Variants in ZFR observed in about 807,000 individuals in gnomAD.
ZFR encodes the protein zinc finger RNA binding protein, also known as zinc finger RNA-binding protein.
A neutral mutation model predicts 130.7 loss-of-function variants in ZFR; 19 were observed. That is an observed-to-expected ratio of 0.15 (90% CI 0.10 to 0.21). The LOEUF (loss-of-function observed/expected upper bound fraction) is 0.21, where lower values mean the gene tolerates loss of function less well. Ranked by LOEUF, ZFR falls within the 10% of genes least tolerant of loss-of-function variation. The pLI, the probability that ZFR is intolerant of heterozygous loss-of-function variation, is 1.00. For missense variants in ZFR, 872 were observed against 1,321.5 expected (o/e 0.66, Z 5.27); for synonymous variants, 466 against 456.9 (o/e 1.02, Z -0.25).
rs187626931 is a variant in ZFR, at chr5:32,415,930, A to G, written c.566-743T>C. 3.3e-5 allele frequency among the ~76,000 whole-genome samples: 5 copies of G among 151,684 alleles called. No homozygotes were observed. The East Asian group carries it at 9.7e-4, about 29-fold the overall frequency. ...GGCCCAAAATCACGGGGCCAAGCTC[A>G]TTTTTTGTTCAGTTAAGTAAAAGTA... is the stretch of plus-strand genomic sequence containing the variant. On this transcript the variant is annotated intron_variant, in intron 4 of 19. Coordinates refer to ENST00000265069, the MANE Select transcript of ZFR (RefSeq NM_016107.5).
At chr5:32,356,732 A>G (rs942111898) in intron 19 of ZFR, among the ~76,000 whole-genome samples, 1 of 152,022 alleles carries the variant, frequency 6.6e-6, no homozygotes, top group Non-Finnish European at 1.5e-5. Flanking sequence ...AAGTATTTTT[A>G]TTACTGTATT....
At chr5:32,412,411 T>TAA (rs1323163231) in intron 5 of ZFR, among the ~76,000 whole-genome samples, 1 of 152,114 alleles carries the variant, frequency 6.6e-6, no homozygotes, top group Non-Finnish European at 1.5e-5. Flanking sequence ...AGAGACAAGA[T>TAA]AAAAATAAGG....
intron 19 of ZFR, among the ~76,000 whole-genome samples, chr5:32,356,347 T>A (rs895057632): frequency 1.3e-5 from 2 of 152,214 alleles, no homozygotes; most frequent in Non-Finnish European, 2.9e-5. Flanking sequence ...ATTATACTCA[T>A]GTGGATGTAC....
At chr5:32,411,642 T>C (rs1171723703) in intron 5 of ZFR, among the ~76,000 whole-genome samples, 2 of 127,266 alleles carry the variant, frequency 1.6e-5, no homozygotes, top group Non-Finnish European at 3.2e-5. Flanking sequence ...TGAGTCGAGA[T>C]TGCGCCACTG....
intron 5 of ZFR, among the ~76,000 whole-genome samples, chr5:32,412,700 C>T (rs575415686): frequency 2.6e-4 from 40 of 152,108 alleles, no homozygotes; most frequent in Non-Finnish European, 4.4e-4. Flanking sequence ...GAATTCAGGG[C>T]AAAGTACCAT....
chr5:32,373,711 T>C (rs1364089171), intron 17 of ZFR, among the ~76,000 whole-genome samples: 1 of 152,082 alleles, frequency 6.6e-6, no homozygotes, highest in East Asian at 1.9e-4. Context: ...AACCACTGCC[T>C]GAAGAATACA....
chr5:32,378,762 ATT>A (rs1468828522), intron 17 of ZFR, among the ~76,000 whole-genome samples: 1 of 151,958 alleles, frequency 6.6e-6, no homozygotes, highest in Non-Finnish European at 1.5e-5. Flanking sequence ...CACATACATT[ATT>A]TTAAAAAATG....
intron 2 of ZFR, among the ~76,000 whole-genome samples, chr5:32,428,233 G>A (rs1159058565): frequency 6.6e-6 from 1 of 152,148 alleles, no homozygotes; most frequent in Non-Finnish European, 1.5e-5. Flanking sequence ...GGCCAACATG[G>A]TGAAACCCTG....
At chr5:32,430,864 C>T (rs1305584580) in intron 2 of ZFR, among the ~76,000 whole-genome samples, 5 of 152,122 alleles carry the variant, frequency 3.3e-5, no homozygotes, top group Non-Finnish European at 5.9e-5. Flanking sequence ...TCTCTTGAGT[C>T]CAGGAGTTTG....
intron 2 of ZFR, 107 bp from the exon 3 acceptor site, chr5:32,420,210 A>C: frequency 7.7e-7 from 1 of 1,298,582 alleles, no homozygotes; most frequent in Non-Finnish European, 1.0e-6. Flanking sequence ...ATTTTCAAGT[A>C]ATTTAATGAC....
intron 6 of ZFR, 41 bp from the exon 7 acceptor site, chr5:32,404,138 T>G: frequency 6.6e-7 from 1 of 1,509,844 alleles, no homozygotes; most frequent in Non-Finnish European, 9.0e-7. Context: ...TCACTAATTT[T>G]CTTTACACAT....
chr5:32,393,911 G>C (rs1300413077), intron 11 of ZFR, among the ~76,000 whole-genome samples: 1 of 152,114 alleles, frequency 6.6e-6, no homozygotes, highest in Non-Finnish European at 1.5e-5. Context: ...GCCTCAAGGA[G>C]GGTCAAGATA....
intron 2 of ZFR, among the ~76,000 whole-genome samples, chr5:32,437,010 C>G (rs565098554): frequency 6.6e-6 from 1 of 152,284 alleles, no homozygotes; most frequent in East Asian, 1.9e-4. Flanking sequence ...GGTCACATGG[C>G]AGGTAATAGG....
chr5:32,431,763 A>G (rs988041110), intron 2 of ZFR, among the ~76,000 whole-genome samples: 14 of 131,936 alleles, frequency 1.1e-4, no homozygotes, highest in African/African-American at 3.7e-4. Context: ...ATTAGATATA[A>G]CATTGAAAAA....
chr5:32,373,498 C>T (rs1752724709), intron 17 of ZFR, among the ~76,000 whole-genome samples: 1 of 152,182 alleles, frequency 6.6e-6, no homozygotes. Flanking sequence ...CTCTTGTGTT[C>T]GTCTTTAAAC....
Position 32,390,178 on chromosome 5 carries a change from AT to A in ZFR, c.2142+96del. The stretch of plus-strand genomic sequence containing the variant: ...TCAAAAAAACTACCAAGATTACAAG[AT>A]TATTAAGTCTAAACATTAGCCCCTC... On this transcript the variant is annotated intron_variant, in intron 12 of 19. Transcript: ENST00000265069. The A allele has an allele frequency of 2.1e-6, 3 of 1,436,856 alleles. No homozygotes were observed. In the South Asian group the frequency reaches 4.2e-5, roughly 20 times the overall value. 89.0% of individuals were successfully genotyped at this position (1,436,856 alleles called of 1,614,324 possible). A position where few individuals can be genotyped will look rare whatever the true frequency, so the allele number is the denominator to read the frequency against.
intron 4 of ZFR, among the ~76,000 whole-genome samples, chr5:32,416,355 C>G: frequency 6.6e-6 from 1 of 152,122 alleles, no homozygotes; most frequent in East Asian, 1.9e-4. Flanking sequence ...TGGCTCACGC[C>G]TGTAATCCCA....
At position 32,378,865 on chromosome 5, in the gene ZFR, T is replaced by TAA. The variant is rs3833640; in HGVS notation, c.2835+248_2835+249dup. Among the ~76,000 whole-genome samples the TAA allele has an allele frequency of 4.6e-4, 69 of 148,716 alleles. No homozygotes were observed. The Middle Eastern group carries it at 0.01, about 22-fold the overall frequency. On this transcript the variant is annotated intron_variant, in intron 17 of 19. Transcript: ENST00000265069. ...AGCCAACTAATAAATGCTGTAATAT[T>TAA]AAAAAAAAAACACTGTGAAAACAGC...
chr5:32,443,983 C>T (rs987725664), intron 2 of ZFR, among the ~76,000 whole-genome samples: 1 of 151,758 alleles, frequency 6.6e-6, no homozygotes, highest in African/African-American at 2.4e-5. Flanking sequence ...GCCTCCACGT[C>T]CCTACACCTC....
Sources: gnomAD v4.1 joint callset for allele counts (sites outside exome capture counted in the v4.1 genomes callset) on GRCh38, gnomAD v4.1.1 for gene constraint, MANE v1.5 for transcripts, NCBI Gene and HGNC (gene_info 2026-07-23, HGNC 2026-07-21) for gene names.